Variants in ABL1 observed in about 807,000 individuals in gnomAD.
ABL1 encodes the protein ABL proto-oncogene 1, non-receptor tyrosine kinase, also known as tyrosine-protein kinase ABL1.
Under a neutral mutation model 94.7 loss-of-function variants are expected in ABL1, and 11 were observed. The observed-to-expected ratio is 0.12, with a 90% confidence interval of 0.07 to 0.19. The LOEUF is 0.19. ABL1 is among the 10% of genes least tolerant of loss of function. ABL1 has a pLI of 1.00. For missense variants in ABL1, 1,082 were observed against 1,489.4 expected (o/e 0.73, Z 4.50); for synonymous variants, 656 against 622.4 (o/e 1.05, Z -0.80).
At chr9:130,820,564 C>T (rs949990522) in intron 1 of ABL1, among the ~76,000 whole-genome samples, 4 of 152,274 alleles carry the variant, frequency 2.6e-5, no homozygotes, top group East Asian at 3.9e-4. Context: ...TTGCACTGGG[C>T]GTTGGGAGGA....
intron 1 of ABL1, among the ~76,000 whole-genome samples, chr9:130,762,972 G>C (rs1210688102): frequency 1.3e-5 from 2 of 151,382 alleles, no homozygotes; most frequent in Non-Finnish European, 2.9e-5. Context: ...ATGAGATCAT[G>C]TTGCTCCTCT....
chr9:130,787,271 G>A (rs1829841049), intron 1 of ABL1, among the ~76,000 whole-genome samples: 1 of 152,150 alleles, frequency 6.6e-6, no homozygotes, highest in South Asian at 2.1e-4. Flanking sequence ...CAGGTACTGT[G>A]TGCCTGGACT....
chr9:130,727,342 C>T, intron 1 of ABL1, among the ~76,000 whole-genome samples: 1 of 151,528 alleles, frequency 6.6e-6, no homozygotes, highest in Non-Finnish European at 1.5e-5. Context: ...GCTGGGATTA[C>T]AGGTGTGAGC....
chr9:130,714,607 G>A, intron 1 of ABL1: 1 of 1,068,732 alleles, frequency 9.4e-7, no homozygotes. Context: ...AACTTTCTTT[G>A]TATAAGAAAA....
chr9:130,789,530 A>G (rs552743843), intron 1 of ABL1, among the ~76,000 whole-genome samples: 34 of 95,246 alleles, frequency 3.6e-4, no homozygotes, highest in African/African-American at 2.5e-3. Context: ...GGACATACAC[A>G]CACACACACA....
intron 1 of ABL1, among the ~76,000 whole-genome samples, chr9:130,785,332 C>T (rs1159118549): frequency 1.3e-5 from 2 of 152,176 alleles, no homozygotes; most frequent in African/African-American, 4.8e-5. Flanking sequence ...ACACACCCTG[C>T]AGGGAGTTTC....
intron 3 of ABL1, among the ~76,000 whole-genome samples, chr9:130,856,041 G>A (rs540992050): frequency 3.3e-5 from 5 of 152,092 alleles, no homozygotes; most frequent in African/African-American, 1.2e-4. Flanking sequence ...TTAGCCTTCC[G>A]AGTAGTTGGG....
At position 130,769,329 on chromosome 9, in the gene ABL1, C is replaced by CTTTTTTTTTTTT. The variant is rs372838676; in HGVS notation, c.136+54885_136+54896dup. The stretch of plus-strand genomic sequence containing the variant: ...TGGAGAGCCAAACTATGGCCCTAGT[C>CTTTTTTTTTTTT]TTTTTTTTTTTTTTTTTTTTTTGAG... On this transcript the variant is annotated intron_variant, in intron 1 of 10. Coordinates refer to the ABL1 transcript ENST00000372348. Among the ~76,000 whole-genome samples, 30 of 84,320 alleles carry CTTTTTTTTTTTT rather than the reference C, an allele frequency of 3.6e-4. 1 individual carries two copies. Among genetic ancestry groups the CTTTTTTTTTTTT allele is most frequent in the African/African-American group, 9.7e-4 (21 of 21,546 alleles). 55.3% of individuals were successfully genotyped at this position (84,320 alleles called of 152,430 possible). A position where few individuals can be genotyped will look rare whatever the true frequency, so the allele number is the denominator to read the frequency against.
At chr9:130,714,634 C>T in intron 1 of ABL1, 3 of 824,194 alleles carry the variant, frequency 3.6e-6, no homozygotes, top group Middle Eastern at 2.2e-4. Context: ...TTCGTGACTT[C>T]GGCTTTATTC....
At chr9:130,725,769 A>G (rs916609451) in intron 1 of ABL1, among the ~76,000 whole-genome samples, 4 of 143,820 alleles carry the variant, frequency 2.8e-5, no homozygotes, top group African/African-American at 7.6e-5. Flanking sequence ...TTGTGTGTGT[A>G]TATATATATA....
chr9:130,848,641 T>A (rs1830811770), intron 1 of ABL1, among the ~76,000 whole-genome samples: 1 of 151,304 alleles, frequency 6.6e-6, no homozygotes, highest in African/African-American at 2.4e-5. Flanking sequence ...TAGAGAAGTA[T>A]AAAGAAAATG....
chr9:130,781,142 T>G (rs1377244024), intron 1 of ABL1, among the ~76,000 whole-genome samples: 1 of 152,228 alleles, frequency 6.6e-6, no homozygotes, highest in Non-Finnish European at 1.5e-5. Context: ...TAGCCATGGA[T>G]TTAAAGACAT....
At chr9:130,809,104 A>G (rs1019222395) in intron 1 of ABL1, among the ~76,000 whole-genome samples, 3 of 152,216 alleles carry the variant, frequency 2.0e-5, no homozygotes, top group Non-Finnish European at 4.4e-5. Context: ...GTTCACAGGC[A>G]GAGAAACAAA....
At chr9:130,826,436 A>G (rs1049920432) in intron 1 of ABL1, among the ~76,000 whole-genome samples, 1 of 152,102 alleles carries the variant, frequency 6.6e-6, no homozygotes, top group African/African-American at 2.4e-5. Context: ...ATATATATAC[A>G]TATTTTAAGT....
intron 1 of ABL1, among the ~76,000 whole-genome samples, chr9:130,816,062 A>T (rs1830282339): frequency 4.6e-5 from 7 of 152,124 alleles, no homozygotes; most frequent in African/African-American, 1.7e-4. Context: ...GAGCCCTGGC[A>T]GTCACCTGTG....
At chr9:130,771,748 C>G (rs1293008682) in intron 1 of ABL1, among the ~76,000 whole-genome samples, 1 of 93,114 alleles carries the variant, frequency 1.1e-5, no homozygotes, top group Non-Finnish European at 2.0e-5. Context: ...TTCTTTCTTT[C>G]TTTCTTTTTT....
intron 1 of ABL1, among the ~76,000 whole-genome samples, chr9:130,761,532 T>A: frequency 6.6e-6 from 1 of 152,108 alleles, no homozygotes; most frequent in East Asian, 1.9e-4. Flanking sequence ...TTTAATCAAC[T>A]CCCCTTTTAA....
At chr9:130,784,485 C>T (rs1407308965) in intron 1 of ABL1, among the ~76,000 whole-genome samples, 1 of 152,202 alleles carries the variant, frequency 6.6e-6, no homozygotes, top group Non-Finnish European at 1.5e-5. Flanking sequence ...TTGGCTTAAA[C>T]AGTATCTTTT....
At chr9:130,836,364 AAATT>A (rs1378672158) in intron 1 of ABL1, among the ~76,000 whole-genome samples, 10 of 152,190 alleles carry the variant, frequency 6.6e-5, no homozygotes, top group African/African-American at 2.4e-4. Flanking sequence ...GAAAAAAAGT[AAATT>A]AAGGGTTATG....
Sources: gnomAD v4.1 joint callset for allele counts (sites outside exome capture counted in the v4.1 genomes callset) on GRCh38, gnomAD v4.1.1 for gene constraint, MANE v1.5 for transcripts, NCBI Gene and HGNC (gene_info 2026-07-23, HGNC 2026-07-21) for gene names.